TTC12: variants seen among roughly 807,000 people sequenced by gnomAD.
TTC12 encodes tetratricopeptide repeat protein 12.
A neutral mutation model predicts 90.1 loss-of-function variants in TTC12; 70 were observed. The ratio of observed to expected loss-of-function variants is 0.78; its 90% CI spans 0.64 to 0.95. TTC12 has a LOEUF of 0.95. Among genes scored for constraint, TTC12 ranks in the 40% least tolerant of loss-of-function variants. TTC12 has a pLI of 0.00. For missense variants in TTC12, 819 were observed against 846.1 expected, an observed-to-expected ratio of 0.97 and a Z score of 0.40; for synonymous variants, 296 against 311.5, an observed-to-expected ratio of 0.95 and a Z score of 0.53.
Position 113,364,815 on chromosome 11 carries a change from GT to G in TTC12, c.1817-18del. ...TTGGGATTAAAAGGAGCTGTTGCTT[GT>G]TCTCTTCTTTCCCTGCAGAGTTGAG... is the stretch of plus-strand genomic sequence containing the variant. On this transcript the variant is annotated intron_variant, in intron 20 of 21. Transcript: ENST00000529221. 4 of 1,610,060 alleles carry G rather than the reference GT, an allele frequency of 2.5e-6. No homozygotes were observed. The Admixed American group carries it at 6.7e-5, about 27-fold the overall frequency.
chr11:113,347,914 T>C (rs1445053676), intron 13 of TTC12, among the ~76,000 whole-genome samples: 1 of 152,178 alleles, frequency 6.6e-6, no homozygotes, highest in Non-Finnish European at 1.5e-5. Context: ...TCACTACTCT[T>C]CTGGAAACTC....
Position 113,325,528 on chromosome 11 carries a change from A to G in TTC12, c.327A>G (p.Leu109=). 2 of 1,613,842 alleles carry G rather than the reference A, an allele frequency of 1.2e-6. No individual in the cohort carries two copies. The highest frequency in any genetic ancestry group is 1.1e-5 in the South Asian group (1 of 91,072). ...GTGTAACTTATATTCCCATAGCCCT[A>G]AAAGAAAAAGGGAATGAAGCATTTG... ...RRENKVLADA[L]KEKGNEAFAE... Residue 109 remains leucine (L), a synonymous_variant, in exon 6 of 22, where the codon CTA becomes CTG. Coordinates refer to ENST00000529221, the MANE Select transcript of TTC12 (RefSeq NM_017868.4).
At chr11:113,347,361 G>A (rs1469249847) in intron 13 of TTC12, among the ~76,000 whole-genome samples, 3 of 152,144 alleles carry the variant, frequency 2.0e-5, no homozygotes, top group Admixed American at 1.3e-4. Flanking sequence ...CATACAGCCT[G>A]TGCATGGTGC....
intron 16 of TTC12, among the ~76,000 whole-genome samples, chr11:113,358,906 C>A (rs1949767659): frequency 1.3e-5 from 2 of 152,126 alleles, no homozygotes; most frequent in Non-Finnish European, 2.9e-5. Context: ...GCAGCATTCC[C>A]AGTTACTCCC....
At chr11:113,344,235 T>C (rs964271272) in intron 12 of TTC12, 37 bp from the exon 13 acceptor site, 1 of 1,579,662 alleles carries the variant, frequency 6.3e-7, no homozygotes, top group Non-Finnish European at 8.6e-7. Flanking sequence ...ATTGCCATGA[T>C]GGCATGCACA....
intron 5 of TTC12, 146 bp from the exon 6 acceptor site, chr11:113,325,378 T>C: frequency 1.2e-6 from 1 of 828,512 alleles, no homozygotes; most frequent in South Asian, 1.8e-5. Context: ...TCCTGAAGTA[T>C]CTGCAGAAAA....
At position 113,325,662 on chromosome 11, in the gene TTC12, T is replaced by C. The variant is rs781849684; in HGVS notation, c.444+17T>C. 9.3e-6 allele frequency: 15 copies of C among 1,613,414 alleles called. No individual in the cohort carries two copies. Among genetic ancestry groups the C allele is most frequent in the Non-Finnish European group, 1.3e-5 (15 of 1,179,598 alleles). Reference sequence around the variant, plus strand: ...CGAGCCCAGGTCAGTGAGGCAGGGATGTATCCATGGGGCTTTCTCAGGGAA... The same window carrying C: ...CGAGCCCAGGTCAGTGAGGCAGGGACGTATCCATGGGGCTTTCTCAGGGAA... On this transcript the variant is annotated intron_variant, in intron 6 of 21. Coordinates refer to ENST00000529221, the MANE Select transcript of TTC12 (RefSeq NM_017868.4).
chr11:113,352,266 T>C, intron 16 of TTC12, 59 bp downstream of exon 16: 1 of 1,607,684 alleles, frequency 6.2e-7, no homozygotes, highest in South Asian at 1.1e-5. Context: ...ATTAGCGTCT[T>C]CTTAGTTATC....
intron 12 of TTC12, among the ~76,000 whole-genome samples, chr11:113,343,643 C>G (rs536741427): frequency 6.6e-6 from 1 of 152,284 alleles, no homozygotes; most frequent in South Asian, 2.1e-4. Context: ...CCAGTTTGCT[C>G]TGTTTCCTAG....
intron 2 of TTC12, among the ~76,000 whole-genome samples, chr11:113,318,681 T>A (rs1430964325): frequency 1.3e-5 from 2 of 152,034 alleles, no homozygotes; most frequent in African/African-American, 4.8e-5. Flanking sequence ...TTAGGCAAAA[T>A]GTGAAGAGTG....
intron 13 of TTC12, among the ~76,000 whole-genome samples, chr11:113,346,762 A>G (rs1014649027): frequency 6.6e-6 from 1 of 152,084 alleles, no homozygotes; most frequent in Non-Finnish European, 1.5e-5. Context: ...AAAAAAAAAA[A>G]AAAAAAGCAA....
chr11:113,338,887 C>T (rs369367049), intron 9 of TTC12, 53 bp downstream of exon 9: 9 of 1,538,490 alleles, frequency 5.8e-6, no homozygotes, highest in Admixed American at 1.7e-5. Flanking sequence ...CCCTCTGCCC[C>T]CTGCCTTAGA....
At chr11:113,368,390 G>A (rs1384846245), downstream of TTC12, 39 of 1,548,132 alleles carry the variant, frequency 2.5e-5, no homozygotes, top group Admixed American at 9.8e-5. Context: ...AAATACCAGC[G>A]CCATCTTTCA....
At chr11:113,331,275 T>C (rs1320107601) in intron 7 of TTC12, among the ~76,000 whole-genome samples, 3 of 152,172 alleles carry the variant, frequency 2.0e-5, no homozygotes. Flanking sequence ...ACCTGCTTTG[T>C]CGCCTTGCTT....
chr11:113,321,591 A>T (rs1389450572), intron 2 of TTC12, among the ~76,000 whole-genome samples: 1 of 152,220 alleles, frequency 6.6e-6, no homozygotes, highest in Non-Finnish European at 1.5e-5. Flanking sequence ...ACATACACAA[A>T]TATTCTGGTA....
rs782113942 is a variant in TTC12, at chr11:113,359,936, G to T, written c.1546-4G>T. On this transcript the variant is annotated splice_region_variant and splice_polypyrimidine_tract_variant and intron_variant, in intron 17 of 21. Coordinates refer to ENST00000529221, the MANE Select transcript of TTC12 (RefSeq NM_017868.4). ...CTCCTGCTGGCCTCTCCCCATTGTT[G>T]TAGGTTTGGGCTGTGGAGGTGAGCA... The T allele has an allele frequency of 6.3e-7, 1 of 1,591,994 alleles. No homozygotes were observed. Among genetic ancestry groups the T allele is most frequent in the East Asian group, 2.2e-5 (1 of 44,474 alleles).
At chr11:113,366,413 G>A, downstream of TTC12, 1 of 1,544,194 alleles carries the variant, frequency 6.5e-7, no homozygotes, top group Non-Finnish European at 8.7e-7. Context: ...CTCATTTTTA[G>A]AGTGTTTGCA....
intron 13 of TTC12, among the ~76,000 whole-genome samples, 188 bp from the exon 14 acceptor site, chr11:113,349,885 A>G (rs1949168888): frequency 6.6e-6 from 1 of 152,192 alleles, no homozygotes; most frequent in South Asian, 2.1e-4. Context: ...TGGTGGAGCC[A>G]ACCACTTAAG....
chr11:113,332,004 A>C (rs1459715255), intron 7 of TTC12, among the ~76,000 whole-genome samples: 1 of 152,222 alleles, frequency 6.6e-6, no homozygotes, highest in Non-Finnish European at 1.5e-5. Flanking sequence ...TGTCACTGGC[A>C]CTCCATTACT....
Sources: allele counts gnomAD v4.1 joint callset (sites outside exome capture counted in the v4.1 genomes callset), GRCh38; gene constraint gnomAD v4.1.1; transcripts MANE v1.5; gene names NCBI Gene and HGNC (gene_info 2026-07-23, HGNC 2026-07-21).